HMCN2: variants seen among roughly 807,000 people sequenced by gnomAD.
HMCN2 encodes the protein hemicentin-2.
A neutral mutation model predicts 377.5 loss-of-function variants in HMCN2; 325 were observed. The observed-to-expected ratio is 0.86, with a 90% CI of 0.79 to 0.94. The LOEUF is 0.94. HMCN2 is among the 40% of genes least tolerant of loss of function. The pLI, the probability that HMCN2 is intolerant of heterozygous loss-of-function variation, is 0.00. For missense variants in HMCN2, 4,543 were observed against 4,725.3 expected (o/e 0.96, Z 1.13); for synonymous variants, 2,007 against 2,046.8 (o/e 0.98, Z 0.53).
At chr9:130,326,509 T>C (rs939864844) in intron 21 of HMCN2, among the ~76,000 whole-genome samples, 1 of 151,984 alleles carries the variant, frequency 6.6e-6, no homozygotes, top group Non-Finnish European at 1.5e-5. Context: ...AGTAAATACG[T>C]CTGGGAGGAG....
intron 89 of HMCN2, among the ~76,000 whole-genome samples, chr9:130,425,460 C>T (rs1460562082): frequency 1.3e-5 from 2 of 151,772 alleles, no homozygotes; most frequent in East Asian, 3.9e-4. Flanking sequence ...CCAAGGCTCA[C>T]CCCATCTCCT....
intron 48 of HMCN2, 74 bp from the exon 49 acceptor site, chr9:130,374,428 G>C (rs1841266386): frequency 1.3e-6 from 1 of 768,344 alleles, no homozygotes. Context: ...TGATCCATCT[G>C]GGAGCAGCCT....
intron 22 of HMCN2, among the ~76,000 whole-genome samples, chr9:130,329,044 T>G (rs983773548): frequency 6.6e-6 from 1 of 152,134 alleles, no homozygotes; most frequent in Admixed American, 6.5e-5. Context: ...AAGGACACAG[T>G]TCAGTGTTTT....
chr9:130,351,829 T>C lies in HMCN2; in HGVS notation c.4585+252T>C, dbSNP rs1009328582. Among the ~76,000 whole-genome samples, 2 of 152,094 alleles carry C rather than the reference T, an allele frequency of 1.3e-5. No individual in the cohort carries two copies. The highest frequency in any genetic ancestry group is 4.8e-5 in the African/African-American group (2 of 41,398). On this transcript the variant is annotated intron_variant, in intron 30 of 97. Coordinates refer to ENST00000683500, the MANE Select transcript of HMCN2 (RefSeq NM_001291815.2). The surrounding 1 kb of genome is among the most constrained non-coding windows in gnomAD (Gnocchi z 5.4). Reference sequence around the variant, plus strand: ...AAATTTACTACTTATGTTTTTTTTTTGAGATGAATTCTCTCTCTGTTGCCT... The same window carrying C: ...AAATTTACTACTTATGTTTTTTTTTCGAGATGAATTCTCTCTCTGTTGCCT...
At chr9:130,331,912 TC>T (rs1254600375) in intron 22 of HMCN2, among the ~76,000 whole-genome samples, 3 of 152,128 alleles carry the variant, frequency 2.0e-5, no homozygotes, top group African/African-American at 7.2e-5. Flanking sequence ...ATCTCGTTCT[TC>T]CAGGTTTTCT....
In HMCN2 at chr9:130,419,126, G is replaced by T; in HGVS notation, c.13231+85G>T. 2.3e-6 allele frequency: 3 copies of T among 1,301,090 alleles called. No individual in the cohort carries two copies. In the Admixed American group the frequency reaches 9.5e-5, roughly 41 times the overall value. The allele number at this position is 1,301,090 out of a possible 1,614,324, so 80.6% of individuals were successfully genotyped here. A position where few individuals can be genotyped will look rare whatever the true frequency, so the allele number is the denominator to read the frequency against. ...ATTGTGTGGTGCTTATGGGAGACCT[G>T]TCCCCTGCCTTGCCAGCTCCCCACC... On this transcript the variant is annotated intron_variant, in intron 86 of 97. Transcript: ENST00000683500.
chr9:130,376,238 A>T (rs956926548), intron 51 of HMCN2, among the ~76,000 whole-genome samples: 3 of 152,136 alleles, frequency 2.0e-5, no homozygotes, highest in Non-Finnish European at 4.4e-5. Context: ...TCTGCTTTGG[A>T]GTATAAACAG....
intron 32 of HMCN2, 74 bp from the exon 33 acceptor site, chr9:130,355,672 C>T (rs757792059): frequency 1.3e-4 from 110 of 838,402 alleles, no homozygotes; most frequent in Non-Finnish European, 1.8e-4. Context: ...GCTTGGAAGG[C>T]TCTGGGGACT....
intron 73 of HMCN2, among the ~76,000 whole-genome samples, chr9:130,396,830 T>C (rs1416100276): frequency 2.0e-5 from 3 of 152,186 alleles, no homozygotes; most frequent in Non-Finnish European, 4.4e-5. Flanking sequence ...ACATGGCCCT[T>C]GGAAAGGGCA....
At position 130,414,572 on chromosome 9, in the gene HMCN2, G is replaced by A. The variant is rs1356365016; in HGVS notation, c.12961+3920G>A. On this transcript the variant is annotated intron_variant, in intron 85 of 97. Transcript: ENST00000683500. This position sits in a 1 kb window ranked among gnomAD's most constrained non-coding sequence, Gnocchi z 4.4. ...ATCTCAATGAAAGCAGACAACAGAT[G>A]CCTACTGAGATAGTACAGATATCAG... Among the ~76,000 whole-genome samples the A allele has an allele frequency of 6.6e-6, 1 of 151,450 alleles. No individual in the cohort carries two copies. Among genetic ancestry groups the A allele is most frequent in the Non-Finnish European group, 1.5e-5 (1 of 67,964 alleles).
rs889897569 is a variant in HMCN2, at chr9:130,392,110, C to T, written c.10128C>T (p.His3376=). ...GCACCCTCCTCCACGGCTCTGGCCACACCCTCAGGTAGGGGAGACGGTGGA... is the reference window on the plus strand; with the variant it reads ...GCACCCTCCTCCACGGCTCTGGCCATACCCTCAGGTAGGGGAGACGGTGGA... ...SQRTLLHGSG[H]TLRISKVQLA... Residue 3376 remains histidine, a synonymous_variant, in exon 66 of 98, where the codon CAC becomes CAT. Coordinates refer to ENST00000683500, the MANE Select transcript of HMCN2 (RefSeq NM_001291815.2). 4 of 988,264 alleles carry T rather than the reference C, an allele frequency of 4.0e-6. No individual in the cohort carries two copies. Among genetic ancestry groups the T allele is most frequent in the Non-Finnish European group, 4.8e-6 (4 of 830,262 alleles). 61.2% of individuals were successfully genotyped at this position (988,264 alleles called of 1,614,324 possible). A position where few individuals can be genotyped will look rare whatever the true frequency, so the allele number is the denominator to read the frequency against.
intron 6 of HMCN2, 148 bp downstream of exon 6, chr9:130,295,920 G>A: frequency 2.8e-6 from 1 of 358,364 alleles, no homozygotes; most frequent in Non-Finnish European, 5.6e-6. Context: ...AGAAGTAACG[G>A]GTCAAGGACA....
chr9:130,280,823 T>G (rs1267205089), intron 1 of HMCN2, among the ~76,000 whole-genome samples: 4 of 152,024 alleles, frequency 2.6e-5, no homozygotes, highest in Admixed American at 2.6e-4. Context: ...TACAGGCAAT[T>G]GGCCAGGCGC....
Position 130,418,949 on chromosome 9 carries a change from A to G in HMCN2, c.13139A>G (p.Glu4380Gly). ...RTLPDGSLWL[E>G]NVETGDAGTY... ...CTGCCCGATGGGAGCCTGTGGCTGG[A>G]GAACGTGGAGACTGGGGATGCAGGC... is the stretch of plus-strand genomic sequence containing the variant. Residue 4380 changes from glutamate to glycine, a missense_variant, in exon 86 of 98, where the codon GAG becomes GGG. By Grantham distance (98) the Glu-to-Gly change is moderately conservative. Transcript: ENST00000683500. The G allele has an allele frequency of 6.5e-7, 1 of 1,537,290 alleles. No homozygotes were observed. Among genetic ancestry groups the G allele is most frequent in the Non-Finnish European group, 8.8e-7 (1 of 1,139,888 alleles).
At chr9:130,385,171 C>A (rs1249908342) in intron 59 of HMCN2, among the ~76,000 whole-genome samples, 2 of 151,698 alleles carry the variant, frequency 1.3e-5, no homozygotes, top group African/African-American at 4.8e-5. Context: ...CCAGACACTG[C>A]GCTAGGCCTG....
In HMCN2 at chr9:130,299,232, A is replaced by G; in HGVS notation, c.1220A>G (p.His407Arg). Reference protein sequence around the residue: ...RFYLKVKGKDHEGNPLLRVSG... With the variant: ...RFYLKVKGKDREGNPLLRVSG... The stretch of plus-strand genomic sequence containing the variant: ...TACCTCAAGGTGAAGGGCAAGGACC[A>G]TGAGGGAAACCCCCTCCTTCGTGTC... Residue 407 changes from histidine to arginine, a missense_variant, in exon 8 of 98, where the codon CAT becomes CGT. By Grantham distance (29) the His-to-Arg change is conservative (BLOSUM62 0). This residue lies in a region of HMCN2 where 547 missense variants were observed against 189.9 expected (regional missense o/e 2.88). Coordinates refer to ENST00000683500, the MANE Select transcript of HMCN2 (RefSeq NM_001291815.2). The G allele has an allele frequency of 2.1e-6, 1 of 471,038 alleles. No homozygotes were observed. Among genetic ancestry groups the G allele is most frequent in the South Asian group, 1.5e-5 (1 of 64,554 alleles). 29.2% of individuals were successfully genotyped at this position (471,038 alleles called of 1,614,324 possible).
chr9:130,371,563 G>C (rs1428070679), intron 46 of HMCN2, among the ~76,000 whole-genome samples: 1 of 152,216 alleles, frequency 6.6e-6, no homozygotes, highest in African/African-American at 2.4e-5. Context: ...ATACAAATGA[G>C]GAACTGAGGC....
At chr9:130,301,694 T>A (rs1836525272) in intron 8 of HMCN2, among the ~76,000 whole-genome samples, 1 of 152,228 alleles carries the variant, frequency 6.6e-6, no homozygotes, top group African/African-American at 2.4e-5. Flanking sequence ...CACCGCCGCC[T>A]TCCCATCCCC....
intron 14 of HMCN2, among the ~76,000 whole-genome samples, chr9:130,309,641 G>A (rs528093435): frequency 6.9e-6 from 1 of 144,940 alleles, no homozygotes; most frequent in African/African-American, 2.9e-5. Context: ...GACACCAGCG[G>A]GGGGGGTCCA....
Sources: gnomAD v4.1 joint callset for allele counts (sites outside exome capture counted in the v4.1 genomes callset) on GRCh38, gnomAD v4.1.1 for gene constraint, gnomAD v4.1.1 regional missense constraint, Gnocchi (gnomAD v3.1) non-coding constraint, MANE v1.5 for transcripts, NCBI Gene and HGNC (gene_info 2026-07-23, HGNC 2026-07-21) for gene names.